PCID2: variants seen among roughly 807,000 people sequenced by gnomAD.
PCID2 encodes PCI domain-containing protein 2.
In PCID2, 41 loss-of-function variants were observed where a neutral mutation model predicts 61.3. The observed-to-expected ratio is 0.67, with a 90% CI of 0.52 to 0.87. The LOEUF (loss-of-function observed/expected upper bound fraction) is 0.87, where lower values mean the gene tolerates loss of function less well. Ranked by LOEUF, PCID2 falls within the 40% of genes least tolerant of loss-of-function variation. The probability of loss-of-function intolerance (pLI) is 0.00; values close to 1 mark genes in which losing one functional copy is unlikely to be tolerated. For synonymous variants in PCID2, 187 were observed against 177.8 expected (o/e 1.05, Z -0.41); for missense variants, 392 against 493.4 (o/e 0.79, Z 1.95).
At chr13:113,203,727 G>A (rs79953941) in intron 1 of PCID2, among the ~76,000 whole-genome samples, 152 of 152,230 alleles carry the variant, frequency 1.0e-3, no homozygotes, top group African/African-American at 3.4e-3. Context: ...ATCTGACCAG[G>A]TGCAATGGAA....
intron 2 of PCID2, 31 bp downstream of exon 2, chr13:113,200,396 A>G (rs145039572): frequency 5.3e-6 from 7 of 1,309,614 alleles, no homozygotes; most frequent in African/African-American, 1.4e-5. Flanking sequence ...AATTGTCTGC[A>G]GACACCTGTG....
At chr13:113,206,832 AG>A (rs2039883409) in intron 1 of PCID2, among the ~76,000 whole-genome samples, 1 of 152,236 alleles carries the variant, frequency 6.6e-6, no homozygotes, top group Admixed American at 6.5e-5. Flanking sequence ...ACATCTCCAT[AG>A]AAGTCCATCC....
chr13:113,190,018 T>G (rs1449784725), intron 7 of PCID2, among the ~76,000 whole-genome samples: 1 of 3,298 alleles, frequency 3.0e-4, no homozygotes, highest in African/African-American at 3.3e-4. Flanking sequence ...GCAAGAGTCT[T>G]GTCTCAAAAA....
chr13:113,178,497 G>A (rs566808748), intron 13 of PCID2: 1 of 489,476 alleles, frequency 2.0e-6, no homozygotes, highest in Non-Finnish European at 3.7e-6. Flanking sequence ...ACTGTGGACT[G>A]AAAATATTTG....
chr13:113,185,863 G>GTA, intron 7 of PCID2: 1 of 265,692 alleles, frequency 3.8e-6, no homozygotes. Context: ...GCAACAATGC[G>GTA]TAAAAGTTAA....
intron 2 of PCID2, 25 bp downstream of exon 2, chr13:113,200,402 C>T (rs1184078305): frequency 7.0e-7 from 1 of 1,418,904 alleles, no homozygotes; most frequent in South Asian, 1.1e-5. Context: ...CTGCAGACAC[C>T]TGTGTGCACA....
chr13:113,193,973 T>G (rs2038811230), intron 6 of PCID2, among the ~76,000 whole-genome samples: 1 of 152,210 alleles, frequency 6.6e-6, no homozygotes, highest in East Asian at 1.9e-4. Flanking sequence ...TCCCGGACAT[T>G]TGAGGCACTA....
intron 1 of PCID2, among the ~76,000 whole-genome samples, chr13:113,200,997 A>T (rs1005795204): frequency 6.6e-6 from 1 of 152,226 alleles, no homozygotes; most frequent in Non-Finnish European, 1.5e-5. Context: ...GTGGTTTATC[A>T]TGTAGCTCTT....
At chr13:113,204,670 C>T in intron 1 of PCID2, among the ~76,000 whole-genome samples, 1 of 152,176 alleles carries the variant, frequency 6.6e-6, no homozygotes, top group Non-Finnish European at 1.5e-5. Flanking sequence ...GCTTGGCAGG[C>T]ATGAATGTGT....
chr13:113,205,821 G>A (rs1474537950), intron 1 of PCID2, among the ~76,000 whole-genome samples: 3 of 152,250 alleles, frequency 2.0e-5, no homozygotes, highest in African/African-American at 4.8e-5. Flanking sequence ...GGGAGGACCA[G>A]GGAGTGACTG....
intron 9 of PCID2, among the ~76,000 whole-genome samples, chr13:113,182,201 G>T (rs1295036868): frequency 6.6e-6 from 1 of 152,126 alleles, no homozygotes; most frequent in Non-Finnish European, 1.5e-5. Context: ...CGAGGCCTAG[G>T]GAACCCACAC....
chr13:113,186,219 AG>A (rs750377137), intron 7 of PCID2: 4 of 152,642 alleles, frequency 2.6e-5, no homozygotes, highest in Non-Finnish European at 5.8e-5. Context: ...GACAGCTGAA[AG>A]GGCCTGCCCC....
At chr13:113,194,885 G>A (rs1326511167) in intron 6 of PCID2, among the ~76,000 whole-genome samples, 186 bp downstream of exon 6, 2 of 152,192 alleles carry the variant, frequency 1.3e-5, no homozygotes, top group African/African-American at 4.8e-5. Context: ...CTGAGCAAAT[G>A]TTTATATAAA....
At chr13:113,180,350 C>G (rs949668501) in intron 10 of PCID2, 119 bp from the exon 11 acceptor site, 2 of 748,334 alleles carry the variant, frequency 2.7e-6, no homozygotes, top group East Asian at 5.2e-5. Context: ...CTTAGAATGT[C>G]CATGGATTAA....
intron 11 of PCID2, 42 bp downstream of exon 11, chr13:113,180,116 T>C (rs777075704): frequency 6.2e-7 from 1 of 1,613,618 alleles, no homozygotes; most frequent in Non-Finnish European, 8.5e-7. Flanking sequence ...TCATCAGGCT[T>C]GCATTTTTAA....
the PCID2 span, among the ~76,000 whole-genome samples, chr13:113,166,892 C>G: frequency 6.6e-6 from 1 of 152,078 alleles, no homozygotes; most frequent in Non-Finnish European, 1.5e-5. Context: ...AGTCTGCAAC[C>G]GTAGCACTCA....
chr13:113,190,557 C>T (rs7986136), intron 7 of PCID2: 64 of 233,158 alleles, frequency 2.7e-4, no homozygotes, highest in African/African-American at 1.4e-3. Context: ...TCACTGCCCT[C>T]AGACCCTCAC....
chr13:113,165,213 T>C, the PCID2 span: 1 of 1,332,916 alleles, frequency 7.5e-7, no homozygotes, highest in Non-Finnish European at 1.1e-6. Flanking sequence ...ACTAAGTGAA[T>C]CAGGCATCCT....
chr13:113,178,124 C>T lies in PCID2; in HGVS notation c.*74G>A. On this transcript the variant is annotated 3_prime_UTR_variant, in exon 14 of 14. Coordinates refer to ENST00000337344, the MANE Select transcript of PCID2 (RefSeq NM_001127202.4). ...GGCTTCAGGGAGCCTTGTTGCAGTACCGGACCGGTCTCATCAGCACAACCA... is the reference window on the plus strand; with the variant it reads ...GGCTTCAGGGAGCCTTGTTGCAGTATCGGACCGGTCTCATCAGCACAACCA... 5.6e-6 allele frequency: 6 copies of T among 1,080,326 alleles called. No individual in the cohort carries two copies. The South Asian group carries it at 6.7e-5, about 12-fold the overall frequency. 66.9% of individuals were successfully genotyped at this position (1,080,326 alleles called of 1,614,324 possible).
Sources: gnomAD v4.1 joint callset for allele counts (sites outside exome capture counted in the v4.1 genomes callset) on GRCh38, gnomAD v4.1.1 for gene constraint, MANE v1.5 for transcripts, NCBI Gene and HGNC (gene_info 2026-07-23, HGNC 2026-07-21) for gene names.